Variants in RBFOX1 observed in about 807,000 individuals in gnomAD.
The protein encoded by RBFOX1 is RNA binding fox-1 homolog 1, also known as RNA binding protein fox-1 homolog 1.
RBFOX1 carries 8 observed loss-of-function variants against 57.7 expected under a neutral mutation model. That is an observed-to-expected ratio of 0.14 (90% CI 0.08 to 0.25). RBFOX1 has a LOEUF of 0.25. Among genes scored for constraint, RBFOX1 ranks in the 10% least tolerant of loss-of-function variants. RBFOX1 has a pLI of 1.00. For missense variants in RBFOX1, 611 were observed against 548.5 expected, an observed-to-expected ratio of 1.11 and a Z score of -1.14; for synonymous variants, 326 against 222.4, an observed-to-expected ratio of 1.47 and a Z score of -4.15.
At chr16:7,061,347 G>C (rs1165848606) in intron 4 of RBFOX1, among the ~76,000 whole-genome samples, 3 of 152,150 alleles carry the variant, frequency 2.0e-5, no homozygotes, top group Non-Finnish European at 2.9e-5. Context: ...AACATTAATT[G>C]ATGAACGCAA....
At chr16:6,632,425 T>C (rs1024263447) in intron 2 of RBFOX1, among the ~76,000 whole-genome samples, 1 of 152,212 alleles carries the variant, frequency 6.6e-6, no homozygotes, top group African/African-American at 2.4e-5. Flanking sequence ...ATCAGTGACT[T>C]ACCTGAGAAT....
At position 6,862,424 on chromosome 16, in the gene RBFOX1, T is replaced by C. The variant is rs966153524; in HGVS notation, c.-15-189633T>C. Among the ~76,000 whole-genome samples, 15 of 152,264 alleles carry C rather than the reference T, an allele frequency of 9.9e-5. 1 individual carries two copies. The East Asian group carries it at 2.7e-3, about 27-fold the overall frequency. On this transcript the variant is annotated intron_variant, in intron 3 of 15. Coordinates refer to ENST00000550418, the MANE Select transcript of RBFOX1 (RefSeq NM_018723.4). ...GGAAGAGAGTCAAATAAAAATCCTT[T>C]CATTCGGTGCTATGGGGATGCAATG...
intron 2 of RBFOX1, among the ~76,000 whole-genome samples, chr16:6,576,402 C>G (rs750824824): frequency 2.0e-5 from 3 of 152,182 alleles, no homozygotes; most frequent in East Asian, 1.9e-4. Flanking sequence ...GATGCCAACT[C>G]CACATAGTGG....
intron 14 of RBFOX1, among the ~76,000 whole-genome samples, chr16:7,706,934 C>G (rs540803556): frequency 4.7e-4 from 71 of 152,106 alleles, no homozygotes; most frequent in Admixed American, 3.1e-3. Flanking sequence ...AACACATCTG[C>G]CCTTGGACCG....
At chr16:6,186,007 T>G (rs1157806436) in intron 1 of RBFOX1, among the ~76,000 whole-genome samples, 3 of 152,202 alleles carry the variant, frequency 2.0e-5, no homozygotes, top group Non-Finnish European at 4.4e-5. Context: ...TGCTGTGGCA[T>G]TATTATTTCT....
intron 3 of RBFOX1, among the ~76,000 whole-genome samples, chr16:6,776,700 G>A (rs2079431240): frequency 6.6e-6 from 1 of 152,172 alleles, no homozygotes; most frequent in African/African-American, 2.4e-5. Context: ...GCTCCCCCAT[G>A]CCTGCCAGGA....
intron 1 of RBFOX1, among the ~76,000 whole-genome samples, chr16:6,028,857 T>C (rs1322088747): frequency 3.3e-5 from 5 of 152,182 alleles, no homozygotes; most frequent in Non-Finnish European, 7.3e-5. Flanking sequence ...AAGACTGAAT[T>C]CCCTGAGCGC....
chr16:5,417,159 C>G (rs988795806), intron 1 of RBFOX1, among the ~76,000 whole-genome samples: 2 of 152,270 alleles, frequency 1.3e-5, no homozygotes, highest in Non-Finnish European at 2.9e-5. Context: ...ATTAAGCAGC[C>G]TTTTGTGAAC....
At chr16:6,531,661 G>C (rs969152156) in intron 2 of RBFOX1, among the ~76,000 whole-genome samples, 1 of 152,104 alleles carries the variant, frequency 6.6e-6, no homozygotes, top group Non-Finnish European at 1.5e-5. Flanking sequence ...ATGTTGTCTA[G>C]TAGCCCTTGT....
intron 4 of RBFOX1, among the ~76,000 whole-genome samples, chr16:5,869,746 G>A (rs1436456882): frequency 3.9e-5 from 6 of 152,018 alleles, no homozygotes; most frequent in Non-Finnish European, 8.8e-5. Flanking sequence ...GTTGAAAAAA[G>A]GAGGTCTGAG....
At chr16:7,577,402 C>T (rs903703866) in intron 5 of RBFOX1, among the ~76,000 whole-genome samples, 1 of 152,200 alleles carries the variant, frequency 6.6e-6, no homozygotes, top group African/African-American at 2.4e-5. Context: ...TCTCCTGAAT[C>T]CAAGACATCA....
intron 14 of RBFOX1, among the ~76,000 whole-genome samples, chr16:7,688,258 TGTGA>T (rs1184933636): frequency 5.1e-4 from 65 of 128,392 alleles, no homozygotes; most frequent in African/African-American, 1.5e-3. Flanking sequence ...TGTGTGTGTG[TGTGA>T]GAGAGAGAGA....
At chr16:6,898,808 G>A (rs1265642942) in intron 3 of RBFOX1, among the ~76,000 whole-genome samples, 2 of 151,520 alleles carry the variant, frequency 1.3e-5, no homozygotes, top group East Asian at 1.9e-4. Flanking sequence ...TCTGTATAAC[G>A]TGCATGTGTA....
At chr16:5,339,920 T>C (rs2064997685) in intron 1 of RBFOX1, among the ~76,000 whole-genome samples, 1 of 152,074 alleles carries the variant, frequency 6.6e-6, no homozygotes, top group Non-Finnish European at 1.5e-5. Context: ...TCCCAAAGCT[T>C]GGGTGCTTTG....
At chr16:7,050,331 A>T (rs9745869) in intron 3 of RBFOX1, among the ~76,000 whole-genome samples, 79,094 of 149,376 alleles carry the variant, frequency 0.53, 22,906 homozygotes, top group South Asian at 0.76. Flanking sequence ...AATGGTGGGA[A>T]CTCAGCTCAC....
chr16:5,625,520 CTT>C (rs1304585686), intron 3 of RBFOX1, among the ~76,000 whole-genome samples: 1 of 143,170 alleles, frequency 7.0e-6, no homozygotes, highest in African/African-American at 2.6e-5. Flanking sequence ...TGGATTTACT[CTT>C]TTAATATTTT....
intron 1 of RBFOX1, among the ~76,000 whole-genome samples, chr16:5,363,918 C>A (rs1424748683): frequency 6.6e-6 from 1 of 152,160 alleles, no homozygotes; most frequent in Admixed American, 6.5e-5. Flanking sequence ...ACTGAGCTCT[C>A]GCCTGGAACC....
chr16:5,798,955 G>A (rs895996195), intron 3 of RBFOX1, among the ~76,000 whole-genome samples: 1 of 152,044 alleles, frequency 6.6e-6, no homozygotes, highest in African/African-American at 2.4e-5. Context: ...AAGATCTCGG[G>A]TGAGCCACTC....
rs923369673 is a variant in RBFOX1 at position 7,711,574 on chromosome 16, G to A, written c.*829G>A. 6.6e-6 allele frequency: 1 copy of A among 152,290 alleles called. No individual in the cohort carries two copies. Among genetic ancestry groups the A allele is most frequent in the Non-Finnish European group, 1.5e-5 (1 of 67,974 alleles). The allele number at this position is 152,290 out of a possible 1,614,324, so 9.4% of individuals were successfully genotyped here. ...AGGGAAAAAATAACATTAATAAAAA[G>A]GTGATAAAAAAGCACTGTTTCTATT... On this transcript the variant is annotated 3_prime_UTR_variant, in exon 16 of 16. Transcript: ENST00000550418.
Sources: allele counts gnomAD v4.1 joint callset (sites outside exome capture counted in the v4.1 genomes callset), GRCh38; gene constraint gnomAD v4.1.1; transcripts MANE v1.5; gene names NCBI Gene and HGNC (gene_info 2026-07-23, HGNC 2026-07-21).